LSAMP: variants seen among roughly 807,000 people sequenced by gnomAD.
LSAMP encodes the protein limbic system associated membrane protein.
LSAMP carries 7 observed loss-of-function variants against 38.6 expected under a neutral mutation model. That is an observed-to-expected ratio of 0.18 (90% CI 0.10 to 0.34). LSAMP has a LOEUF of 0.34. LSAMP is among the 10% of genes least tolerant of loss of function. The pLI is 1.00. For synonymous variants in LSAMP, 154 were observed against 166.8 expected, an observed-to-expected ratio of 0.92 and a Z score of 0.59; for missense variants, 313 against 420.0, an observed-to-expected ratio of 0.75 and a Z score of 2.23.
chr3:116,181,276 A>C (rs1313430132), intron 1 of LSAMP, among the ~76,000 whole-genome samples: 1 of 152,020 alleles, frequency 6.6e-6, no homozygotes, highest in Non-Finnish European at 1.5e-5. Context: ...AAACACCTTT[A>C]GTTGAGTCAT....
At chr3:115,816,765 G>T (rs1247878711) in intron 6 of LSAMP, 2 of 462,882 alleles carry the variant, frequency 4.3e-6, no homozygotes, top group Non-Finnish European at 7.5e-6. Flanking sequence ...AAGGAGGAAA[G>T]AACATTTTAA....
chr3:116,150,655 T>C (rs1709589926), intron 1 of LSAMP, among the ~76,000 whole-genome samples: 1 of 151,884 alleles, frequency 6.6e-6, no homozygotes, highest in Non-Finnish European at 1.5e-5. Flanking sequence ...TGATGCGCAG[T>C]GATAGGAGTC....
intron 3 of LSAMP, among the ~76,000 whole-genome samples, chr3:115,934,969 T>C (rs1937648691): frequency 6.6e-6 from 1 of 152,012 alleles, no homozygotes; most frequent in African/African-American, 2.4e-5. Context: ...AGAAAAAGTT[T>C]CAAAATTGAG....
chr3:115,832,604 A>C (rs1352910030), intron 6 of LSAMP, among the ~76,000 whole-genome samples: 1 of 152,172 alleles, frequency 6.6e-6, no homozygotes, highest in African/African-American at 2.4e-5. Flanking sequence ...AAAGTGATTC[A>C]ATCCCTAAGA....
intron 2 of LSAMP, among the ~76,000 whole-genome samples, chr3:116,059,260 C>T (rs968094765): frequency 6.6e-6 from 1 of 152,130 alleles, no homozygotes; most frequent in Non-Finnish European, 1.5e-5. Flanking sequence ...GGATGTTTTG[C>T]ATCTTGCAGA....
intron 1 of LSAMP, among the ~76,000 whole-genome samples, chr3:116,434,209 C>T (rs1183059070): frequency 6.6e-6 from 1 of 152,156 alleles, no homozygotes; most frequent in Admixed American, 6.5e-5. Flanking sequence ...TGTGTTTCCT[C>T]TTTTATAAAT....
chr3:116,337,802 T>A (rs1386988763), intron 1 of LSAMP, among the ~76,000 whole-genome samples: 2 of 151,998 alleles, frequency 1.3e-5, no homozygotes, highest in African/African-American at 2.4e-5. Context: ...AAGTATGCAA[T>A]GGAGTCAGTG....
chr3:116,193,548 A>C (rs560785288), intron 1 of LSAMP, among the ~76,000 whole-genome samples: 22 of 152,342 alleles, frequency 1.4e-4, no homozygotes, highest in South Asian at 8.3e-4. Flanking sequence ...ACAACAACAA[A>C]AAAAGTATAT....
intron 3 of LSAMP, among the ~76,000 whole-genome samples, chr3:115,923,136 T>C (rs372101473): frequency 2.0e-5 from 3 of 152,324 alleles, no homozygotes; most frequent in South Asian, 2.1e-4. Flanking sequence ...TGCTTCTGTG[T>C]TCTCAGTTGC....
chr3:116,209,211 G>C (rs957948396), intron 1 of LSAMP, among the ~76,000 whole-genome samples: 1 of 152,156 alleles, frequency 6.6e-6, no homozygotes, highest in Non-Finnish European at 1.5e-5. Context: ...GGAACTCCCT[G>C]ACCCCTTGCA....
At chr3:116,251,328 T>A (rs992402333) in intron 1 of LSAMP, among the ~76,000 whole-genome samples, 1 of 148,604 alleles carries the variant, frequency 6.7e-6, no homozygotes, top group Non-Finnish European at 1.5e-5. Context: ...TTGGTGTTGA[T>A]TTTTTTTGAG....
intron 3 of LSAMP, among the ~76,000 whole-genome samples, chr3:115,893,668 C>A (rs1183037312): frequency 6.6e-6 from 1 of 151,814 alleles, no homozygotes; most frequent in African/African-American, 2.4e-5. Flanking sequence ...AAGAAGCAAT[C>A]AAAAATGTTC....
chr3:116,396,673 G>A (rs2048772045), intron 1 of LSAMP, among the ~76,000 whole-genome samples: 1 of 152,038 alleles, frequency 6.6e-6, no homozygotes. Flanking sequence ...TCTTCATCCT[G>A]GATATCTCCC....
rs113323710 is a variant in LSAMP at position 116,155,372 on chromosome 3, C to G, written c.156-68816G>C. Among the ~76,000 whole-genome samples, 278 of 151,974 alleles carry G rather than the reference C, an allele frequency of 1.8e-3. 1 individual carries two copies. The highest frequency in any genetic ancestry group is 6.2e-3 in the African/African-American group (256 of 41,450). On this transcript the variant is annotated intron_variant, in intron 1 of 6. Transcript: ENST00000490035. ...CCCAAGAAGTTGGGGTTACAGGCGC[C>G]CACCACCATGCCTGGCTAATTTTTT...
At chr3:116,243,204 G>A (rs1257528319) in intron 1 of LSAMP, among the ~76,000 whole-genome samples, 1 of 152,134 alleles carries the variant, frequency 6.6e-6, no homozygotes, top group Non-Finnish European at 1.5e-5. Context: ...AGTTGCCCAA[G>A]ATATCAACTG....
In LSAMP at chr3:115,844,050, G is replaced by A. The variant is rs1300234068; in HGVS notation, c.650-1472C>T. Among the ~76,000 whole-genome samples the A allele has an allele frequency of 4.6e-5, 7 of 152,302 alleles. No homozygotes were observed. The South Asian group carries it at 1.2e-3, about 27-fold the overall frequency. ...CCTGGGACTTAGTTTGAGTTTGGCT[G>A]TTTGGACTTCTCATCATACGTTTTC... On this transcript the variant is annotated intron_variant, in intron 4 of 6. Coordinates refer to ENST00000490035, the MANE Select transcript of LSAMP (RefSeq NM_002338.5).
intron 1 of LSAMP, among the ~76,000 whole-genome samples, chr3:116,225,653 TTTAA>T (rs1245318722): frequency 6.6e-6 from 1 of 152,220 alleles, no homozygotes; most frequent in Non-Finnish European, 1.5e-5. Context: ...ATATAATGTC[TTTAA>T]TTGACTAAAA....
At chr3:116,031,198 C>A (rs1017467067) in intron 2 of LSAMP, among the ~76,000 whole-genome samples, 3 of 152,190 alleles carry the variant, frequency 2.0e-5, no homozygotes, top group Admixed American at 1.3e-4. Context: ...GTTCGGGGAA[C>A]AATTCCCTGT....
chr3:116,001,654 A>C (rs1939996966), intron 3 of LSAMP, among the ~76,000 whole-genome samples: 1 of 152,136 alleles, frequency 6.6e-6, no homozygotes, highest in Non-Finnish European at 1.5e-5. Flanking sequence ...CAGTTTCTGG[A>C]AGCTGCCTGC....
Sources: allele counts gnomAD v4.1 joint callset (sites outside exome capture counted in the v4.1 genomes callset), GRCh38; gene constraint gnomAD v4.1.1; transcripts MANE v1.5; gene names NCBI Gene and HGNC (gene_info 2026-07-23, HGNC 2026-07-21).